Variants in RIPOR2 observed in about 807,000 individuals in gnomAD.
The protein encoded by RIPOR2 is RHO family interacting cell polarization regulator 2.
Under a neutral mutation model 114.5 loss-of-function variants are expected in RIPOR2, and 39 were observed. That is an observed-to-expected ratio of 0.34 (90% CI 0.26 to 0.44). RIPOR2 has a LOEUF of 0.44. Among genes scored for constraint, RIPOR2 ranks in the 20% least tolerant of loss-of-function variants. The probability of loss-of-function intolerance (pLI) is 1.00; values close to 1 mark genes in which losing one functional copy is unlikely to be tolerated. For synonymous variants in RIPOR2, 445 were observed against 484.4 expected, an observed-to-expected ratio of 0.92 and a Z score of 1.07; for missense variants, 1,007 against 1,255.1, an observed-to-expected ratio of 0.80 and a Z score of 2.99.
intron 1 of RIPOR2, among the ~76,000 whole-genome samples, chr6:24,966,850 C>A (rs759889436): frequency 1.3e-5 from 2 of 152,142 alleles, no homozygotes; most frequent in Non-Finnish European, 1.5e-5. Flanking sequence ...TGCTATTATC[C>A]TTCGAAGAGG....
intron 1 of RIPOR2, among the ~76,000 whole-genome samples, chr6:25,005,357 A>C (rs966080923): frequency 9.9e-5 from 15 of 152,272 alleles, no homozygotes; most frequent in Admixed American, 9.8e-4. Flanking sequence ...TCAATTTACC[A>C]GACAAAACTC....
chr6:25,017,138 A>G (rs1359653356), intron 1 of RIPOR2, among the ~76,000 whole-genome samples: 1 of 152,110 alleles, frequency 6.6e-6, no homozygotes, highest in Admixed American at 6.5e-5. Flanking sequence ...TCAGGAGTTC[A>G]AGACCAGCCT....
At chr6:25,030,236 T>G (rs1452683413) in intron 1 of RIPOR2, among the ~76,000 whole-genome samples, 1 of 152,212 alleles carries the variant, frequency 6.6e-6, no homozygotes, top group East Asian at 1.9e-4. Flanking sequence ...GGTTGACGAC[T>G]GGCCTAATAC....
intron 1 of RIPOR2, among the ~76,000 whole-genome samples, chr6:24,999,268 T>A (rs142267763): frequency 6.6e-6 from 1 of 152,214 alleles, no homozygotes; most frequent in Non-Finnish European, 1.5e-5. Flanking sequence ...TAGGACCTTA[T>A]TATATGCTCA....
intron 18 of RIPOR2, among the ~76,000 whole-genome samples, chr6:24,827,352 A>G (rs530521880): frequency 6.6e-5 from 10 of 152,250 alleles, no homozygotes; most frequent in African/African-American, 2.2e-4. Context: ...TTGTTGCAGG[A>G]TTTGATGTTC....
At chr6:24,878,888 T>TTGAACCTGGGAGGTGGC (rs1554218662) in intron 1 of RIPOR2, among the ~76,000 whole-genome samples, 5 of 141,460 alleles carry the variant, frequency 3.5e-5, no homozygotes, top group African/African-American at 8.5e-5. Context: ...AATTAAACGC[T>TTGAACCTGGGAGGTGGC]GGAGAGTAAA....
chr6:24,934,109 G>A lies in RIPOR2; in HGVS notation c.61+1729C>T, dbSNP rs547111911. On this transcript the variant is annotated intron_variant, in intron 1 of 21. Coordinates refer to ENST00000643898, the MANE Select transcript of RIPOR2 (RefSeq NM_001286445.3). ...ATAGGCAAAGAAATGTGGGCTGGGC[G>A]TTTTGGAATGCCATTCCTGGAGGGA... Among the ~76,000 whole-genome samples, 31 of 152,286 alleles carry A rather than the reference G, an allele frequency of 2.0e-4. No homozygotes were observed. In the South Asian group the frequency reaches 2.7e-3, roughly 13 times the overall value.
chr6:24,960,310 G>A (rs1194436394), intron 1 of RIPOR2, among the ~76,000 whole-genome samples: 1 of 152,192 alleles, frequency 6.6e-6, no homozygotes. Context: ...CTGAGGGCCT[G>A]GTCTCTGCTT....
At position 24,817,976 on chromosome 6, in the gene RIPOR2, C is replaced by CTTTTTTTTT. The variant is rs758675486; in HGVS notation, c.2952+565_2952+566insAAAAAAAAA. ...ATATACTTTCCTTTTCTCTCTCTCT[C>CTTTTTTTTT]TCTTTTTTTTTGAGACAGAGTCTGG... is the stretch of plus-strand genomic sequence containing the variant. On this transcript the variant is annotated intron_variant, in intron 20 of 21. Coordinates refer to ENST00000643898, the MANE Select transcript of RIPOR2 (RefSeq NM_001286445.3). Among the ~76,000 whole-genome samples the CTTTTTTTTT allele has an allele frequency of 1.8e-4, 15 of 84,438 alleles. 4 individuals are homozygous for CTTTTTTTTT. The highest frequency in any genetic ancestry group is 3.0e-4 in the Non-Finnish European group (12 of 39,912). The allele number at this position is 84,438 out of a possible 152,430, so 55.4% of individuals were successfully genotyped here.
intron 18 of RIPOR2, among the ~76,000 whole-genome samples, chr6:24,825,925 C>CT (rs11454820): frequency 0.4 from 50,961 of 125,862 alleles, 11,432 homozygotes; most frequent in East Asian, 0.76. Flanking sequence ...ATGTTTTTCT[C>CT]TTTTTTTTTT....
chr6:24,959,261 G>A (rs1773192446), intron 1 of RIPOR2, among the ~76,000 whole-genome samples: 2 of 152,102 alleles, frequency 1.3e-5, no homozygotes, highest in African/African-American at 4.8e-5. Context: ...GGTACCAAAG[G>A]TTAGGACTTC....
intron 13 of RIPOR2, 67 bp from the exon 14 acceptor site, chr6:24,839,339 C>T (rs1761405148): frequency 1.4e-5 from 21 of 1,477,218 alleles, no homozygotes; most frequent in African/African-American, 2.9e-5. Flanking sequence ...ACACACGATG[C>T]TCAATTGGAG....
intron 1 of RIPOR2, among the ~76,000 whole-genome samples, chr6:24,933,664 A>G (rs1771557046): frequency 6.6e-6 from 1 of 152,254 alleles, no homozygotes; most frequent in Admixed American, 6.5e-5. Flanking sequence ...TTATGCATCT[A>G]CTATGAAGAT....
intron 18 of RIPOR2, among the ~76,000 whole-genome samples, 161 bp downstream of exon 18, chr6:24,827,976 C>T (rs1013769131): frequency 6.6e-6 from 1 of 152,146 alleles, no homozygotes; most frequent in African/African-American, 2.4e-5. Context: ...ACAAGGGGCT[C>T]ACTAATGTTA....
At chr6:24,808,519 G>T (rs1780921884) in intron 21 of RIPOR2, among the ~76,000 whole-genome samples, 2 of 152,104 alleles carry the variant, frequency 1.3e-5, no homozygotes, top group South Asian at 4.1e-4. Flanking sequence ...GCAGAATGAA[G>T]CCTTGTTAAA....
upstream of RIPOR2, chr6:25,042,063 A>T: frequency 1.9e-6 from 1 of 539,348 alleles, no homozygotes; most frequent in Non-Finnish European, 3.3e-6. Context: ...TTTCTTAAAA[A>T]AAAAAAAAAG....
chr6:24,876,883 C>A (rs1253033581), intron 1 of RIPOR2: 3 of 803,794 alleles, frequency 3.7e-6, no homozygotes, highest in Non-Finnish European at 4.5e-6. Flanking sequence ...CTAGTTCCCC[C>A]AAAGGATGAC....
At chr6:24,894,769 T>A (rs1767694037) in intron 1 of RIPOR2, among the ~76,000 whole-genome samples, 1 of 152,164 alleles carries the variant, frequency 6.6e-6, no homozygotes, top group Non-Finnish European at 1.5e-5. Flanking sequence ...GCATTTCAGT[T>A]TCAACAAGAA....
intron 20 of RIPOR2, 121 bp from the exon 21 acceptor site, chr6:24,809,928 T>C (rs888896622): frequency 2.9e-6 from 2 of 678,616 alleles, no homozygotes; most frequent in East Asian, 2.7e-5. Context: ...TGGAGTGCAA[T>C]GGAGCAATCA....
Sources: gnomAD v4.1 joint callset for allele counts (sites outside exome capture counted in the v4.1 genomes callset) on GRCh38, gnomAD v4.1.1 for gene constraint, MANE v1.5 for transcripts, NCBI Gene and HGNC (gene_info 2026-07-23, HGNC 2026-07-21) for gene names.